Variants in UBOX5 observed in about 807,000 individuals in gnomAD.
UBOX5 encodes U-box domain containing 5, also known as RING finger protein 37.
In UBOX5, 28 loss-of-function variants were observed where a neutral mutation model predicts 39.0. The observed-to-expected ratio is 0.72, with a 90% CI of 0.53 to 0.98. The LOEUF (loss-of-function observed/expected upper bound fraction) is 0.98. UBOX5 is among the 50% of genes least tolerant of loss of function. The probability of loss-of-function intolerance (pLI) is 0.00; values close to 1 mark genes in which losing one functional copy is unlikely to be tolerated. For missense variants in UBOX5, 585 were observed against 674.4 expected (o/e 0.87, Z 1.47); for synonymous variants, 283 against 275.5 (o/e 1.03, Z -0.27).
intron 1 of UBOX5, among the ~76,000 whole-genome samples, chr20:3,155,066 AAAAAAAG>A (rs1021954559): frequency 2.7e-5 from 4 of 148,014 alleles, no homozygotes; most frequent in African/African-American, 4.9e-5. Flanking sequence ...AAAAAAAAAA[AAAAAAAG>A]AAAAGAAAAG....
At chr20:3,122,668 C>T in intron 2 of UBOX5, 84 bp from the exon 3 acceptor site, 1 of 1,465,708 alleles carries the variant, frequency 6.8e-7, no homozygotes, top group Non-Finnish European at 9.0e-7. Flanking sequence ...GCCTGAGGTT[C>T]CTCGTTTTAA....
In UBOX5 at chr20:3,120,538, C is replaced by G. The variant is rs574905953; in HGVS notation, c.1255+846G>C. On this transcript the variant is annotated intron_variant, in intron 3 of 4. Coordinates refer to ENST00000217173, the MANE Select transcript of UBOX5 (RefSeq NM_014948.4). ...TGGCGGGCGCCTAATCCCAGCTACT[C>G]GGGAGGCTGAGGCAGGAGAATGGTG... is the stretch of plus-strand genomic sequence containing the variant. Among the ~76,000 whole-genome samples, 19 of 150,566 alleles carry G rather than the reference C, an allele frequency of 1.3e-4. No individual in the cohort carries two copies. The East Asian group carries it at 3.5e-3, about 28-fold the overall frequency.
chr20:3,148,012 A>G, intron 1 of UBOX5: 1 of 1,614,216 alleles, frequency 6.2e-7, no homozygotes, highest in Admixed American at 1.7e-5. Context: ...CTAAGGAGCG[A>G]CTACTCAGAT....
chr20:3,120,431 A>G lies in UBOX5; in HGVS notation c.1255+953T>C, dbSNP rs537259181. On this transcript the variant is annotated intron_variant, in intron 3 of 4. Transcript: ENST00000217173. Reference sequence around the variant, plus strand: ...TGGGAGGCCAAGGTGGGTGGATCACAAGGTCAGGAGATTGAGACCATCCTA... The same window carrying G: ...TGGGAGGCCAAGGTGGGTGGATCACGAGGTCAGGAGATTGAGACCATCCTA... Among the ~76,000 whole-genome samples, 128 of 151,350 alleles carry G rather than the reference A, an allele frequency of 8.5e-4. 1 individual carries two copies. The highest frequency in any genetic ancestry group is 8.2e-3 in the Admixed American group (124 of 15,170).
At chr20:3,115,595 A>G in intron 3 of UBOX5, 129 bp from the exon 4 acceptor site, 1 of 1,056,794 alleles carries the variant, frequency 9.5e-7, no homozygotes, top group Non-Finnish European at 1.3e-6. Context: ...ACTCCATCCT[A>G]ATGTCTACTG....
Position 3,122,442 on chromosome 20 carries a change from A to C in UBOX5, c.197T>G (p.Ile66Ser). 6.2e-7 allele frequency: 1 copy of C among 1,614,184 alleles called. No homozygotes were observed. Among genetic ancestry groups the C allele is most frequent in the Non-Finnish European group, 8.5e-7 (1 of 1,180,034 alleles). Residue 66 changes from isoleucine (I) to serine (S), a missense_variant, in exon 3 of 5, where the codon ATC (isoleucine) becomes AGC (serine). By Grantham distance (142) the Ile-to-Ser change is moderately radical. Coordinates refer to ENST00000217173, the MANE Select transcript of UBOX5 (RefSeq NM_014948.4). ...TCCCCCAGCTGTGAGGTCTATGTTGATCCTACAGATTTCCACATTAAAGGG... is the reference window on the plus strand; with the variant it reads ...TCCCCCAGCTGTGAGGTCTATGTTGCTCCTACAGATTTCCACATTAAAGGG... ...SFPFNVEICR[I>S]NIDLTAGGGQ...
intron 1 of UBOX5, chr20:3,146,656 T>G: frequency 8.4e-7 from 1 of 1,195,172 alleles, no homozygotes; most frequent in Non-Finnish European, 1.2e-6. Context: ...TGGATACAAT[T>G]AAGTCTCCTC....
chr20:3,127,576 A>G (rs1229711903), intron 1 of UBOX5, among the ~76,000 whole-genome samples: 1 of 152,148 alleles, frequency 6.6e-6, no homozygotes, highest in Non-Finnish European at 1.5e-5. Context: ...ATTTCTGAAA[A>G]TCACATCACC....
chr20:3,128,403 C>A (rs1361517563), intron 1 of UBOX5, among the ~76,000 whole-genome samples: 1 of 152,178 alleles, frequency 6.6e-6, no homozygotes. Flanking sequence ...CAAAGGAAAG[C>A]AGACAATATG....
intron 1 of UBOX5, chr20:3,148,897 GTTC>G (rs1319039812): frequency 6.2e-7 from 1 of 1,614,174 alleles, no homozygotes; most frequent in Non-Finnish European, 8.5e-7. Context: ...TGCTACATAT[GTTC>G]TTAACTTTTT....
intron 1 of UBOX5, among the ~76,000 whole-genome samples, chr20:3,155,411 A>G (rs2066673818): frequency 1.3e-5 from 2 of 152,096 alleles, no homozygotes. Flanking sequence ...GGCACCTGTA[A>G]TCTCAGCTAC....
Position 3,121,712 on chromosome 20 carries a change from C to A in UBOX5, c.927G>T (p.Gly309=). 6.2e-7 allele frequency: 1 copy of A among 1,614,022 alleles called. No homozygotes were observed. The highest frequency in any genetic ancestry group is 8.5e-7 in the Non-Finnish European group (1 of 1,180,008). The change falls in exon 3 of 5, where the codon GGG becomes GGT. Residue 309 remains glycine, a synonymous_variant. Coordinates refer to ENST00000217173, the MANE Select transcript of UBOX5 (RefSeq NM_014948.4). Reference sequence around the variant, plus strand: ...GCTGAGAGTGCGGAGTAAAAGCTACCCCCGTGAAAGGGTCACTGGGCACTC... The same window carrying A: ...GCTGAGAGTGCGGAGTAAAAGCTACACCCGTGAAAGGGTCACTGGGCACTC... ...WGRVPSDPFT[G]VAFTPHSQPL... is the part of the protein sequence containing the mutation.
At chr20:3,141,126 A>G (rs1320742956) in intron 1 of UBOX5, among the ~76,000 whole-genome samples, 1 of 151,150 alleles carries the variant, frequency 6.6e-6, no homozygotes, top group Non-Finnish European at 1.5e-5. Flanking sequence ...AACATGTTGG[A>G]CAGGCTAGTC....
intron 1 of UBOX5, chr20:3,146,654 A>G (rs923487714): frequency 8.4e-7 from 1 of 1,187,466 alleles, no homozygotes; most frequent in African/African-American, 1.5e-5. Flanking sequence ...CTTGGATACA[A>G]TTAAGTCTCC....
intron 1 of UBOX5, chr20:3,147,009 C>G (rs1291182517): frequency 1.2e-6 from 2 of 1,614,058 alleles, no homozygotes; most frequent in African/African-American, 2.7e-5. Context: ...TGCATGCAGG[C>G]TGCGGGGCAC....
rs866440679 is a variant in UBOX5 at position 3,158,602 on chromosome 20, G to A, written c.-42+1164C>T. ...CCACGCTCCTGCCTCAGCCTCCAGAGTAGCTGGGACTACAGGCGCCCGCCA... is the reference window on the plus strand; with the variant it reads ...CCACGCTCCTGCCTCAGCCTCCAGAATAGCTGGGACTACAGGCGCCCGCCA... On this transcript the variant is annotated intron_variant, in intron 1 of 4. Coordinates refer to ENST00000217173, the MANE Select transcript of UBOX5 (RefSeq NM_014948.4). Among the ~76,000 whole-genome samples, 7 of 152,288 alleles carry A rather than the reference G, an allele frequency of 4.6e-5. No individual in the cohort carries two copies. The South Asian group carries it at 1.5e-3, about 32-fold the overall frequency.
chr20:3,110,431 C>G, intron 4 of UBOX5, 117 bp from the exon 5 acceptor site: 1 of 1,191,520 alleles, frequency 8.4e-7, no homozygotes, highest in Non-Finnish European at 1.2e-6. Flanking sequence ...TCATCCCTCC[C>G]GAGTCCATCC....
chr20:3,112,561 T>C (rs1436859453), intron 4 of UBOX5, among the ~76,000 whole-genome samples: 1 of 152,024 alleles, frequency 6.6e-6, no homozygotes, highest in Non-Finnish European at 1.5e-5. Flanking sequence ...AAGGGTGGGC[T>C]AACATGGCCT....
intron 1 of UBOX5, among the ~76,000 whole-genome samples, chr20:3,140,014 CTTTTT>C (rs138435815): frequency 2.6e-5 from 2 of 78,340 alleles, no homozygotes; most frequent in Admixed American, 2.0e-4. Context: ...GGCCTTTTTA[CTTTTT>C]TTTTTTTTTT....
Sources: allele counts gnomAD v4.1 joint callset (sites outside exome capture counted in the v4.1 genomes callset), GRCh38; gene constraint gnomAD v4.1.1; transcripts MANE v1.5; gene names NCBI Gene and HGNC (gene_info 2026-07-23, HGNC 2026-07-21).